The following MAML2 variants were observed in gnomAD, a reference collection of about 807,000 sequenced individuals.
The protein encoded by MAML2 is mastermind-like protein 2.
In MAML2, 22 loss-of-function variants were observed where a neutral mutation model predicts 96.1. That is an observed-to-expected ratio of 0.23 (90% CI 0.16 to 0.33). The LOEUF (loss-of-function observed/expected upper bound fraction) is 0.33, where lower values mean the gene tolerates loss of function less well. Ranked by LOEUF, MAML2 falls within the 10% of genes least tolerant of loss-of-function variation. The pLI is 1.00. For missense variants in MAML2, 1,367 were observed against 1,392.4 expected, an observed-to-expected ratio of 0.98 and a Z score of 0.29; for synonymous variants, 561 against 521.3, an observed-to-expected ratio of 1.08 and a Z score of -1.04.
intron 2 of MAML2, among the ~76,000 whole-genome samples, chr11:96,061,777 T>C (rs1337600644): frequency 1.3e-5 from 2 of 152,190 alleles, no homozygotes; most frequent in African/African-American, 4.8e-5. Context: ...CTCCTTTTTC[T>C]TCTTCCCTTC....
Position 95,978,738 on chromosome 11 carries a change from A to G in MAML2, c.*210T>C. The G allele has an allele frequency of 1.8e-6, 1 of 548,934 alleles. No homozygotes were observed. The highest frequency in any genetic ancestry group is 3.2e-6 in the Non-Finnish European group (1 of 314,344). The allele number at this position is 548,934 out of a possible 1,614,324, so 34.0% of individuals were successfully genotyped here. ...GTATCCTGGAGTTTAGACAGGGAAA[A>G]GTGATCCCAATATTTTACTTTCAGG... is the stretch of plus-strand genomic sequence containing the variant. On this transcript the variant is annotated 3_prime_UTR_variant, in exon 5 of 5. Coordinates refer to ENST00000524717, the MANE Select transcript of MAML2 (RefSeq NM_032427.4).
At chr11:96,039,963 C>CA (rs67545681) in intron 2 of MAML2, among the ~76,000 whole-genome samples, 5,932 of 104,434 alleles carry the variant, frequency 0.057, 224 homozygotes, top group East Asian at 0.2. Flanking sequence ...GACTCTGTCT[C>CA]AAAAAAAAAA....
At chr11:96,047,978 T>G (rs943782913) in intron 2 of MAML2, among the ~76,000 whole-genome samples, 3 of 150,334 alleles carry the variant, frequency 2.0e-5, no homozygotes, top group South Asian at 2.1e-4. Flanking sequence ...AAACAAGTCT[T>G]GTTAAGTTAT....
At chr11:96,129,411 G>A (rs568702102) in intron 1 of MAML2, among the ~76,000 whole-genome samples, 11 of 152,270 alleles carry the variant, frequency 7.2e-5, no homozygotes, top group African/African-American at 2.6e-4. Flanking sequence ...GTTTCCATGT[G>A]ATGCTGATGC....
intron 2 of MAML2, among the ~76,000 whole-genome samples, chr11:96,022,255 A>T (rs1321893551): frequency 2.6e-5 from 4 of 152,152 alleles, no homozygotes; most frequent in African/African-American, 9.7e-5. Flanking sequence ...AATGATCTCC[A>T]TCGCTAGCTC....
chr11:96,100,558 C>T (rs1249667651), intron 1 of MAML2, among the ~76,000 whole-genome samples: 2 of 152,016 alleles, frequency 1.3e-5, no homozygotes, highest in East Asian at 3.9e-4. Flanking sequence ...GATCTGCCTG[C>T]ATCGGCCTCC....
At chr11:96,306,044 TTGAG>T (rs1428343942) in intron 1 of MAML2, among the ~76,000 whole-genome samples, 1 of 152,088 alleles carries the variant, frequency 6.6e-6, no homozygotes. Context: ...CATAGCTGCC[TTGAG>T]TATCAAATTA....
At chr11:96,044,385 C>G (rs1360024468) in intron 2 of MAML2, among the ~76,000 whole-genome samples, 1 of 152,140 alleles carries the variant, frequency 6.6e-6, no homozygotes, top group Non-Finnish European at 1.5e-5. Flanking sequence ...CCAGTTTTTC[C>G]CTTCCCTGCC....
chr11:96,239,205 T>C (rs1862400837), intron 1 of MAML2, among the ~76,000 whole-genome samples: 1 of 152,246 alleles, frequency 6.6e-6, no homozygotes, highest in African/African-American at 2.4e-5. Flanking sequence ...TCTAAATGGC[T>C]GTTATATAGT....
In MAML2 at chr11:96,014,447, C is replaced by T. The variant is rs372216223; in HGVS notation, c.2140-22724G>A. 3.9e-5 allele frequency among the ~76,000 whole-genome samples: 6 copies of T among 152,124 alleles called. No homozygotes were observed. In the East Asian group the frequency reaches 5.8e-4, roughly 15 times the overall value. ...GAACTTAACCACAGCCTCCTGGAATCAACATTTAAAACTAACATCGGTGAA... is the reference window on the plus strand; with the variant it reads ...GAACTTAACCACAGCCTCCTGGAATTAACATTTAAAACTAACATCGGTGAA... On this transcript the variant is annotated intron_variant, in intron 2 of 4. Coordinates refer to ENST00000524717, the MANE Select transcript of MAML2 (RefSeq NM_032427.4).
At chr11:96,182,174 T>G (rs1861496485) in intron 1 of MAML2, among the ~76,000 whole-genome samples, 1 of 148,550 alleles carries the variant, frequency 6.7e-6, no homozygotes, top group Non-Finnish European at 1.5e-5. Flanking sequence ...CTGCCTTACC[T>G]GCCTCCCAGG....
intron 2 of MAML2, among the ~76,000 whole-genome samples, chr11:95,993,875 T>C (rs1857952616): frequency 2.0e-5 from 3 of 152,158 alleles, no homozygotes; most frequent in Non-Finnish European, 4.4e-5. Flanking sequence ...TGGTCCGTGC[T>C]TTACGTGATT....
Position 96,342,266 on chromosome 11 carries a change from G to T in MAML2, c.-371C>A. On this transcript the variant is annotated 5_prime_UTR_variant, in exon 1 of 5. Transcript: ENST00000524717. Reference sequence around the variant, plus strand: ...ACACACGATCTGGGGGTTAGATCAAGAATTCAGGGATTGTCCAGCAAGAGA... The same window carrying T: ...ACACACGATCTGGGGGTTAGATCAATAATTCAGGGATTGTCCAGCAAGAGA... 1 of 433,696 alleles carries T rather than the reference G, an allele frequency of 2.3e-6. No individual in the cohort carries two copies. The highest frequency in any genetic ancestry group is 7.7e-5 in the South Asian group (1 of 12,942). 26.9% of individuals were successfully genotyped at this position (433,696 alleles called of 1,614,324 possible). A position where few individuals can be genotyped will look rare whatever the true frequency, so the allele number is the denominator to read the frequency against.
intron 1 of MAML2, among the ~76,000 whole-genome samples, chr11:96,164,564 ATCT>A (rs1307834448): frequency 1.3e-5 from 2 of 152,194 alleles, no homozygotes; most frequent in African/African-American, 4.8e-5. Context: ...CATGCTCTTG[ATCT>A]TCTTTTTAGA....
chr11:96,261,261 G>A (rs1736558629), intron 1 of MAML2, among the ~76,000 whole-genome samples: 1 of 152,034 alleles, frequency 6.6e-6, no homozygotes, highest in African/African-American at 2.4e-5. Context: ...CCTCCGCCAC[G>A]TGATGCCCTG....
At chr11:96,258,524 G>A (rs1776107328) in intron 1 of MAML2, among the ~76,000 whole-genome samples, 4 of 152,134 alleles carry the variant, frequency 2.6e-5, no homozygotes, top group Admixed American at 2.6e-4. Context: ...GTCCCTATTA[G>A]CTGTGATTTG....
intron 2 of MAML2, among the ~76,000 whole-genome samples, chr11:96,031,829 C>A (rs942951430): frequency 6.6e-6 from 1 of 151,638 alleles, no homozygotes; most frequent in African/African-American, 2.4e-5. Context: ...ACTAAAAATA[C>A]AAAAAAATTA....
At chr11:96,056,876 T>C (rs1859078772) in intron 2 of MAML2, among the ~76,000 whole-genome samples, 1 of 152,216 alleles carries the variant, frequency 6.6e-6, no homozygotes. Context: ...GGACAAGCCA[T>C]TTTGACTGCA....
chr11:96,276,528 G>A (rs1862990272), intron 1 of MAML2, among the ~76,000 whole-genome samples: 1 of 152,150 alleles, frequency 6.6e-6, no homozygotes, highest in Non-Finnish European at 1.5e-5. Context: ...AGCTGAGAGT[G>A]ACACCTTAGG....
Sources: allele counts gnomAD v4.1 joint callset (sites outside exome capture counted in the v4.1 genomes callset), GRCh38; gene constraint gnomAD v4.1.1; transcripts MANE v1.5; gene names NCBI Gene and HGNC (gene_info 2026-07-23, HGNC 2026-07-21).